The following DMTF1 variants were observed in gnomAD, a reference collection of about 807,000 sequenced individuals.
DMTF1 encodes the protein cyclin D binding myb like transcription factor 1, also known as cyclin-D-binding Myb-like transcription factor 1.
In DMTF1, 39 loss-of-function variants were observed where a neutral mutation model predicts 91.1. The ratio of observed to expected loss-of-function variants is 0.43; its 90% confidence interval spans 0.33 to 0.56. The LOEUF is 0.56. Ranked by LOEUF, DMTF1 falls within the 20% of genes least tolerant of loss-of-function variation. The pLI is 0.05. For synonymous variants in DMTF1, 338 were observed against 309.5 expected, an observed-to-expected ratio of 1.09 and a Z score of -0.97; for missense variants, 750 against 914.5, an observed-to-expected ratio of 0.82 and a Z score of 2.32.
rs979397578 is a variant in DMTF1, at chr7:87,195,081, T to G, written c.2224T>G (p.Leu742Val). Reference sequence around the variant, plus strand: ...AGAATCAAATATCATTGGATCATCCTTGGGCAGTCCTGTTTCAGAAGATTC... The same window carrying G: ...AGAATCAAATATCATTGGATCATCCGTGGGCAGTCCTGTTTCAGAAGATTC... Reference protein sequence around the residue: ...QEESNIIGSSLGSPVSEDSKD... With the variant: ...QEESNIIGSSVGSPVSEDSKD... The change falls in exon 18 of 18, where the codon TTG (leucine) becomes GTG (valine). Residue 742 changes from leucine (L) to valine (V), a missense_variant. Transcript: ENST00000331242. 6.2e-7 allele frequency: 1 copy of G among 1,612,534 alleles called. No homozygotes were observed. Among genetic ancestry groups the G allele is most frequent in the Middle Eastern group, 1.7e-4 (1 of 6,042 alleles).
At chr7:87,185,185 C>CAT (rs1798145411) in intron 11 of DMTF1, among the ~76,000 whole-genome samples, 1 of 152,142 alleles carries the variant, frequency 6.6e-6, no homozygotes. Context: ...GATTTATTAA[C>CAT]TAAAATGGGC....
In DMTF1 at chr7:87,166,684, T is replaced by C. The variant is rs1793904779; in HGVS notation, c.232+79T>C. On this transcript the variant is annotated intron_variant, in intron 4 of 17. Coordinates refer to ENST00000331242, the MANE Select transcript of DMTF1 (RefSeq NM_001142327.2). Reference sequence around the variant, plus strand: ...GCTTCCAAGGCTTTCAGTTGGCATTTCTAATAGACTTGGACTTACTGCTTT... The same window carrying C: ...GCTTCCAAGGCTTTCAGTTGGCATTCCTAATAGACTTGGACTTACTGCTTT... The C allele has an allele frequency of 2.1e-6, 3 of 1,408,734 alleles. No homozygotes were observed. The Admixed American group carries it at 5.5e-5, about 26-fold the overall frequency. 87.3% of individuals were successfully genotyped at this position (1,408,734 alleles called of 1,614,324 possible).
In DMTF1 at chr7:87,156,791, C is replaced by T. The variant is rs369450100; in HGVS notation, c.-132+4236C>T. ...AAATTTATCTTCCAAATTCCTTAGA[C>T]GTTACTAAGCAAATTCTCTTTTAAG... On this transcript the variant is annotated intron_variant, in intron 1 of 17. Transcript: ENST00000331242. Among the ~76,000 whole-genome samples, 14 of 152,236 alleles carry T rather than the reference C, an allele frequency of 9.2e-5. No homozygotes were observed. In the South Asian group the frequency reaches 1.0e-3, roughly 11 times the overall value.
In DMTF1 at chr7:87,194,091, T is replaced by G. The variant is rs1800560431; in HGVS notation, c.2017T>G (p.Tyr673Asp). ...ATCACCCTCTGATTTAGCCAGTGCT[T>G]ATGTTACTGAGGTAAGTTGTACTTT... ...EESPSDLASA[Y>D]VTEGLESPTI... The change falls in exon 16 of 18, where the codon TAT (tyrosine) becomes GAT (aspartate). Residue 673 changes from tyrosine to aspartate, a missense_variant. By Grantham distance (160) the Tyr-to-Asp change is radical (BLOSUM62 -3). Transcript: ENST00000331242. 2.5e-6 allele frequency: 4 copies of G among 1,588,480 alleles called. No homozygotes were observed. In the East Asian group the frequency reaches 9.0e-5, roughly 36 times the overall value.
At chr7:87,187,860 A>T in intron 12 of DMTF1, 1 of 529,650 alleles carries the variant, frequency 1.9e-6, no homozygotes, top group South Asian at 2.4e-5. Flanking sequence ...TAACACTATA[A>T]ATCTTAGATG....
chr7:87,157,860 GC>G (rs1386509197), intron 1 of DMTF1, among the ~76,000 whole-genome samples: 1 of 150,624 alleles, frequency 6.6e-6, no homozygotes, highest in Non-Finnish European at 1.5e-5. Context: ...TTTTTTTTAA[GC>G]CACCAGAATG....
At chr7:87,193,652 G>C in intron 15 of DMTF1, 73 bp from the exon 16 acceptor site, 1 of 1,334,680 alleles carries the variant, frequency 7.5e-7, no homozygotes, top group Non-Finnish European at 1.0e-6. Flanking sequence ...AAGAGATGTG[G>C]GGGGAGACAG....
At chr7:87,177,937 G>A (rs1796581787) in intron 7 of DMTF1, among the ~76,000 whole-genome samples, 2 of 152,134 alleles carry the variant, frequency 1.3e-5, no homozygotes, top group Admixed American at 6.6e-5. Context: ...GATGGGGCAA[G>A]CCTCTTCATA....
intron 10 of DMTF1, 71 bp downstream of exon 10, chr7:87,182,408 T>G: frequency 6.8e-7 from 1 of 1,473,950 alleles, no homozygotes; most frequent in Non-Finnish European, 9.5e-7. Context: ...ATACTGCCTT[T>G]TCTTTGCTCT....
At chr7:87,152,947 A>G (rs2129032561) in intron 1 of DMTF1, 1 of 154,710 alleles carries the variant, frequency 6.5e-6, no homozygotes, top group Admixed American at 6.5e-5. Flanking sequence ...TGGAGACAGT[A>G]AGGAAGCCCT....
chr7:87,153,069 G>T (rs924709976), intron 1 of DMTF1: 1 of 152,610 alleles, frequency 6.6e-6, no homozygotes, highest in Non-Finnish European at 1.5e-5. Context: ...AGAGAGTGGG[G>T]GTGGGTCTCG....
In DMTF1 at chr7:87,195,445, G is replaced by A. The variant is rs769143602; in HGVS notation, c.*305G>A. On this transcript the variant is annotated 3_prime_UTR_variant, in exon 18 of 18. Transcript: ENST00000331242. Reference sequence around the variant, plus strand: ...GCCACTAAGAAAAGTTTAGAATCACGAAAGCTTAACTGCTGTGGTTTAAAG... The same window carrying A: ...GCCACTAAGAAAAGTTTAGAATCACAAAAGCTTAACTGCTGTGGTTTAAAG... 1.2e-5 allele frequency: 3 copies of A among 247,714 alleles called. No individual in the cohort carries two copies. The highest frequency in any genetic ancestry group is 5.2e-5 in the Admixed American group (1 of 19,298). 15.3% of individuals were successfully genotyped at this position (247,714 alleles called of 1,614,324 possible).
chr7:87,155,236 C>T (rs1411479964), intron 1 of DMTF1, among the ~76,000 whole-genome samples: 1 of 152,196 alleles, frequency 6.6e-6, no homozygotes, highest in African/African-American at 2.4e-5. Context: ...GCAAAGACAT[C>T]AAAAGCTTAG....
intron 1 of DMTF1, among the ~76,000 whole-genome samples, chr7:87,158,371 A>C (rs1474649323): frequency 6.6e-6 from 1 of 152,112 alleles, no homozygotes; most frequent in Non-Finnish European, 1.5e-5. Flanking sequence ...CTAAGGAGTG[A>C]ATTCTGTACC....
chr7:87,153,650 T>C (rs1331800823), intron 1 of DMTF1, among the ~76,000 whole-genome samples: 1 of 152,226 alleles, frequency 6.6e-6, no homozygotes, highest in Non-Finnish European at 1.5e-5. Flanking sequence ...TACATGGATT[T>C]GATTATGTGT....
At chr7:87,187,374 AAAAAT>A (rs1420552471) in intron 12 of DMTF1, 4 of 152,368 alleles carry the variant, frequency 2.6e-5, no homozygotes, top group African/African-American at 7.2e-5. Context: ...TTACTACAGA[AAAAAT>A]AAAAACCAAT....
chr7:87,161,604 CA>C (rs1792426641), intron 1 of DMTF1, among the ~76,000 whole-genome samples: 1 of 152,128 alleles, frequency 6.6e-6, no homozygotes, highest in Non-Finnish European at 1.5e-5. Flanking sequence ...GTTGATTGAA[CA>C]AATAAGCTTG....
At position 87,181,295 on chromosome 7, in the gene DMTF1, C is replaced by G. The variant is rs1214918736; in HGVS notation, c.678-14C>G. On this transcript the variant is annotated splice_polypyrimidine_tract_variant and intron_variant, in intron 8 of 17. Transcript: ENST00000331242. ...GTTTTAATTGATTTTTTAAAAATTTCTCTGAATTTCTAGATATACACCTGA... is the reference window on the plus strand; with the variant it reads ...GTTTTAATTGATTTTTTAAAAATTTGTCTGAATTTCTAGATATACACCTGA... The G allele has an allele frequency of 8.2e-7, 1 of 1,218,550 alleles. No homozygotes were observed. Among genetic ancestry groups the G allele is most frequent in the Non-Finnish European group, 1.2e-6 (1 of 851,684 alleles). 75.5% of individuals were successfully genotyped at this position (1,218,550 alleles called of 1,614,324 possible).
chr7:87,173,172 T>A (rs1317322500), intron 5 of DMTF1, among the ~76,000 whole-genome samples: 1 of 152,198 alleles, frequency 6.6e-6, no homozygotes, highest in African/African-American at 2.4e-5. Flanking sequence ...TATATTGAGC[T>A]CATTTACATG....
Sources: gnomAD v4.1 joint callset for allele counts (sites outside exome capture counted in the v4.1 genomes callset) on GRCh38, gnomAD v4.1.1 for gene constraint, MANE v1.5 for transcripts, NCBI Gene and HGNC (gene_info 2026-07-23, HGNC 2026-07-21) for gene names.